KCTD9: variants seen among roughly 807,000 people sequenced by gnomAD.
KCTD9 encodes the protein BTB/POZ domain-containing protein KCTD9.
In KCTD9, 17 loss-of-function variants were observed where a neutral mutation model predicts 53.3. The ratio of observed to expected loss-of-function variants is 0.32; its 90% confidence interval spans 0.22 to 0.48. The LOEUF (loss-of-function observed/expected upper bound fraction) is 0.48, where lower values mean the gene tolerates loss of function less well. KCTD9 is among the 20% of genes least tolerant of loss of function. KCTD9 has a pLI of 0.99. For missense variants in KCTD9, 179 were observed against 465.5 expected, an observed-to-expected ratio of 0.38 and a Z score of 5.66; for synonymous variants, 128 against 162.7, an observed-to-expected ratio of 0.79 and a Z score of 1.62.
chr8:25,446,774 TTATTA>T (rs1802221249), intron 1 of KCTD9, among the ~76,000 whole-genome samples: 1 of 152,184 alleles, frequency 6.6e-6, no homozygotes, highest in Non-Finnish European at 1.5e-5. Flanking sequence ...CTGGTACTGT[TTATTA>T]TATCATTAAC....
intron 4 of KCTD9, 113 bp from the exon 5 acceptor site, chr8:25,439,777 C>A (rs1161528460): frequency 6.4e-7 from 1 of 1,561,638 alleles, no homozygotes; most frequent in Non-Finnish European, 8.7e-7. Context: ...CATGCTACAA[C>A]CTGGTAGGAG....
In KCTD9 at chr8:25,440,637, A is replaced by C; in HGVS notation, c.251T>G (p.Leu84Ter). 6.2e-7 allele frequency: 1 copy of C among 1,612,332 alleles called. No homozygotes were observed. Among genetic ancestry groups the C allele is most frequent in the East Asian group, 2.2e-5 (1 of 44,874 alleles). ...QTDSKPPEGL[L>*]GFHTDWLTLN... ...TGTCAGCCAGTCTGTGTGGAATCCT[A>C]ACAATCCCTCAGGAGGCTTAGAATC... The change falls in exon 4 of 12, where the codon TTA becomes TGA. Residue 84 changes from leucine (L) to a stop codon, truncating the protein, a stop_gained. Coordinates refer to ENST00000221200, the MANE Select transcript of KCTD9 (RefSeq NM_017634.4). LOFTEE classifies it high-confidence loss of function.
chr8:25,438,413 C>G (rs1586427011), intron 6 of KCTD9, among the ~76,000 whole-genome samples: 2 of 151,674 alleles, frequency 1.3e-5, no homozygotes. Flanking sequence ...AACTGTAAGC[C>G]AGCAGTCCTC....
At position 25,435,501 on chromosome 8, in the gene KCTD9, G is replaced by A. The variant is rs759777034; in HGVS notation, c.675C>T (p.Phe225=). ...KSELRCQGLN[F]SGADLSRLDL... ...CCAAACGAGAAAGATCAGCACCACT[G>A]AAGTTCAAACCCTGAAATAAAAAAG... The change falls in exon 9 of 12, where the codon TTC becomes TTT. Residue 225 remains phenylalanine, a synonymous_variant. Coordinates refer to ENST00000221200, the MANE Select transcript of KCTD9 (RefSeq NM_017634.4). The A allele has an allele frequency of 6.2e-7, 1 of 1,605,512 alleles. No individual in the cohort carries two copies. The highest frequency in any genetic ancestry group is 8.5e-7 in the Non-Finnish European group (1 of 1,176,642).
chr8:25,431,917 T>C (rs547352721), intron 11 of KCTD9, among the ~76,000 whole-genome samples: 4 of 152,338 alleles, frequency 2.6e-5, no homozygotes, highest in African/African-American at 7.2e-5. Flanking sequence ...AATCAATTTC[T>C]CATTTGCACT....
In KCTD9 at chr8:25,454,615, T is replaced by C. The variant is rs948878150; in HGVS notation, c.48+3584A>G. Reference sequence around the variant, plus strand: ...AAAAGGATGACAGGTACAAACAACATAACTGACTCTTTCGGAGCAGTTTTA... The same window carrying C: ...AAAAGGATGACAGGTACAAACAACACAACTGACTCTTTCGGAGCAGTTTTA... On this transcript the variant is annotated intron_variant, in intron 1 of 11. Coordinates refer to ENST00000221200, the MANE Select transcript of KCTD9 (RefSeq NM_017634.4). 7.2e-5 allele frequency among the ~76,000 whole-genome samples: 11 copies of C among 152,224 alleles called. 1 individual carries two copies. In the East Asian group the frequency reaches 1.9e-3, roughly 27 times the overall value.
intron 5 of KCTD9, 24 bp from the exon 6 acceptor site, chr8:25,439,431 A>T: frequency 6.3e-7 from 1 of 1,584,808 alleles, no homozygotes; most frequent in Non-Finnish European, 8.6e-7. Flanking sequence ...ATAATAAAGA[A>T]AGTCCCCCAT....
At chr8:25,453,817 T>C (rs1269778425) in intron 1 of KCTD9, among the ~76,000 whole-genome samples, 6 of 152,220 alleles carry the variant, frequency 3.9e-5, no homozygotes, top group Admixed American at 3.9e-4. Context: ...GATTTACAGA[T>C]GTTTGCTATA....
At chr8:25,444,079 C>T (rs1445120058) in intron 3 of KCTD9, among the ~76,000 whole-genome samples, 4 of 152,044 alleles carry the variant, frequency 2.6e-5, no homozygotes, top group Non-Finnish European at 2.9e-5. Flanking sequence ...AGCATTTTAA[C>T]GGCATGTAAA....
At chr8:25,442,893 A>T (rs2117414795) in intron 3 of KCTD9, among the ~76,000 whole-genome samples, 1 of 152,324 alleles carries the variant, frequency 6.6e-6, no homozygotes, top group Non-Finnish European at 1.5e-5. Flanking sequence ...AAAGTAAATG[A>T]GTAATTATGT....
intron 1 of KCTD9, among the ~76,000 whole-genome samples, chr8:25,452,006 AGTT>A (rs1376863044): frequency 2.0e-5 from 3 of 152,190 alleles, no homozygotes; most frequent in Non-Finnish European, 4.4e-5. Flanking sequence ...ATTTGCAAAA[AGTT>A]GTTATGATAA....
At chr8:25,450,299 TA>T (rs1291829142) in intron 1 of KCTD9, 2 of 984,214 alleles carry the variant, frequency 2.0e-6, no homozygotes, top group Non-Finnish European at 2.4e-6. Context: ...TATCCCTTGG[TA>T]AAGCTGATAA....
intron 6 of KCTD9, among the ~76,000 whole-genome samples, chr8:25,439,004 A>C (rs552648283): frequency 6.6e-6 from 1 of 152,360 alleles, no homozygotes; most frequent in Admixed American, 6.5e-5. Flanking sequence ...ATAGAACGTA[A>C]ATCAATTTAG....
At chr8:25,458,116 C>T in intron 1 of KCTD9, 83 bp downstream of exon 1, 1 of 1,380,356 alleles carries the variant, frequency 7.2e-7, no homozygotes. Flanking sequence ...TACCCAACTT[C>T]ACCGCTGCCC....
intron 1 of KCTD9, among the ~76,000 whole-genome samples, chr8:25,448,822 G>A (rs1294411455): frequency 6.6e-6 from 1 of 152,044 alleles, no homozygotes; most frequent in East Asian, 1.9e-4. Context: ...GGCTGAGGCA[G>A]GAGAATTGCT....
chr8:25,447,875 C>A (rs1802244573), intron 1 of KCTD9, among the ~76,000 whole-genome samples: 1 of 152,020 alleles, frequency 6.6e-6, no homozygotes, highest in African/African-American at 2.4e-5. Context: ...GCCTGTAATC[C>A]CAGCACTTTG....
chr8:25,441,458 C>T (rs73220009), intron 3 of KCTD9, among the ~76,000 whole-genome samples: 1 of 151,950 alleles, frequency 6.6e-6, no homozygotes. Flanking sequence ...GAAATACCCA[C>T]AAAATAGATC....
At chr8:25,454,235 T>C (rs1050517306) in intron 1 of KCTD9, among the ~76,000 whole-genome samples, 2 of 152,214 alleles carry the variant, frequency 1.3e-5, no homozygotes, top group African/African-American at 4.8e-5. Context: ...AGTTATTTCT[T>C]GGACCAAGAA....
At chr8:25,457,722 G>A (rs1802483588) in intron 1 of KCTD9, 2 of 152,786 alleles carry the variant, frequency 1.3e-5, no homozygotes, top group Non-Finnish European at 2.9e-5. Flanking sequence ...GTTTATCCAC[G>A]GGCAGTTTAC....
Sources: gnomAD v4.1 joint callset for allele counts (sites outside exome capture counted in the v4.1 genomes callset) on GRCh38, gnomAD v4.1.1 for gene constraint, MANE v1.5 for transcripts, NCBI Gene and HGNC (gene_info 2026-07-23, HGNC 2026-07-21) for gene names.